PIK3C2B: variants seen among roughly 807,000 people sequenced by gnomAD.
PIK3C2B encodes the protein phosphatidylinositol-4-phosphate 3-kinase catalytic subunit type 2 beta, also known as phosphatidylinositol 4-phosphate 3-kinase C2 domain-containing subunit beta.
Under a neutral mutation model 184.3 loss-of-function variants are expected in PIK3C2B, and 83 were observed. The ratio of observed to expected loss-of-function variants is 0.45; its 90% CI spans 0.38 to 0.54. The LOEUF is 0.54. Among genes scored for constraint, PIK3C2B ranks in the 20% least tolerant of loss-of-function variants. The probability of loss-of-function intolerance (pLI) is 0.00; values close to 1 mark genes in which losing one functional copy is unlikely to be tolerated. For missense variants in PIK3C2B, 1,736 were observed against 2,113.5 expected (o/e 0.82, Z 3.50); for synonymous variants, 779 against 837.6 (o/e 0.93, Z 1.21).
intron 23 of PIK3C2B, 74 bp downstream of exon 23, chr1:204,438,861 C>T (rs1572299772): frequency 1.3e-6 from 2 of 1,533,042 alleles, no homozygotes; most frequent in East Asian, 4.6e-5. Flanking sequence ...AAGTGCAGGT[C>T]TTGTGGTTAA....
In PIK3C2B at chr1:204,468,837, A is replaced by G. The variant is rs769548251; in HGVS notation, c.933+33T>C. ...CCCTGTTTCTGAAGGACATGGAGAA[A>G]GGAAGGCAGAAGAAACACAAGAAGG... On this transcript the variant is annotated intron_variant, in intron 2 of 32. Transcript: ENST00000684373. The G allele has an allele frequency of 4.6e-6, 7 of 1,523,838 alleles. No homozygotes were observed. In the Admixed American group the frequency reaches 1.4e-4, roughly 30 times the overall value. The allele number at this position is 1,523,838 out of a possible 1,614,324, so 94.4% of individuals were successfully genotyped here.
chr1:204,424,934 T>G lies in PIK3C2B; in HGVS notation c.4823A>C (p.Asn1608Thr). 6.2e-7 allele frequency: 1 copy of G among 1,614,198 alleles called. No homozygotes were observed. The highest frequency in any genetic ancestry group is 8.5e-7 in the Non-Finnish European group (1 of 1,180,018). Residue 1608 changes from asparagine (N) to threonine (T), a missense_variant, in exon 33 of 33, where the codon AAC becomes ACC. By Grantham distance (65) the Asn-to-Thr change is moderately conservative. This residue lies in a region of PIK3C2B where 95 missense variants were observed against 164.2 expected (regional missense o/e 0.58). Transcript: ENST00000684373. Reference protein sequence around the residue: ...FWENVLLGEVNIRLRELDLAQ... With the variant: ...FWENVLLGEVTIRLRELDLAQ... ...CAGGTCCAGCTCTCGCAGGCGGATGTTCACCTCACCGAGGAGGACGTTCTC... is the reference window on the plus strand; with the variant it reads ...CAGGTCCAGCTCTCGCAGGCGGATGGTCACCTCACCGAGGAGGACGTTCTC...
At chr1:204,472,312 C>T (rs190408735) in intron 1 of PIK3C2B, among the ~76,000 whole-genome samples, 5,965 of 151,858 alleles carry the variant, frequency 0.039, 201 homozygotes, top group South Asian at 0.1. Context: ...TACAGGCACC[C>T]GCCACCACAC....
chr1:204,489,049 A>G (rs1657827950), intron 1 of PIK3C2B, among the ~76,000 whole-genome samples: 1 of 152,006 alleles, frequency 6.6e-6, no homozygotes, highest in Non-Finnish European at 1.5e-5. Context: ...TTTTTTTCTC[A>G]CAGTCCCCTT....
intron 12 of PIK3C2B, among the ~76,000 whole-genome samples, chr1:204,452,190 G>A (rs116630548): frequency 0.013 from 1,923 of 152,118 alleles, 52 homozygotes; most frequent in African/African-American, 0.045. Flanking sequence ...AACTCATGGG[G>A]CAGGCTGGGC....
chr1:204,481,566 A>G (rs1218387401), intron 1 of PIK3C2B, among the ~76,000 whole-genome samples: 1 of 152,112 alleles, frequency 6.6e-6, no homozygotes, highest in Non-Finnish European at 1.5e-5. Flanking sequence ...TCACATTCTT[A>G]GTGTCACTGG....
Position 204,423,112 on chromosome 1 carries a change from G to A in PIK3C2B, c.*1740C>T, listed in dbSNP as rs1028553178. 9 of 152,144 alleles carry A rather than the reference G, an allele frequency of 5.9e-5. No homozygotes were observed. The highest frequency in any genetic ancestry group is 3.9e-4 in the East Asian group (2 of 5,192). The allele number at this position is 152,144 out of a possible 1,614,324, so 9.4% of individuals were successfully genotyped here. ...TTCAAAGTCCCTCCCTCCTTTTGGC[G>A]AGGAAGACAACCCTTTGGAGCGAAA... On this transcript the variant is annotated 3_prime_UTR_variant, in exon 33 of 33. Transcript: ENST00000684373.
intron 23 of PIK3C2B, among the ~76,000 whole-genome samples, chr1:204,435,097 C>T (rs1383843828): frequency 6.6e-6 from 1 of 152,214 alleles, no homozygotes. Flanking sequence ...AAATAAAATT[C>T]CCATTTCCAG....
chr1:204,493,861 A>G (rs1658178739), intron 1 of PIK3C2B, among the ~76,000 whole-genome samples: 1 of 152,172 alleles, frequency 6.6e-6, no homozygotes, highest in Non-Finnish European at 1.5e-5. Context: ...CAGTATCCTT[A>G]TAAGGGAGAA....
Position 204,442,558 on chromosome 1 carries a change from G to A in PIK3C2B, c.3124C>T (p.Pro1042Ser). ...ACAATTCCCTTAACCAGCAGACTGG[G>A]GCTGAGTGGCAAGCGGCACGAGCCA... is the stretch of plus-strand genomic sequence containing the variant. ...LNGSCRLPLS[P>S]SLLVKGIVPR... The change falls in exon 20 of 33, where the codon CCC (proline) becomes TCC (serine). Residue 1042 changes from proline (P) to serine (S), a missense_variant. Transcript: ENST00000684373. 6 of 1,555,480 alleles carry A rather than the reference G, an allele frequency of 3.9e-6. No homozygotes were observed. The highest frequency in any genetic ancestry group is 5.2e-6 in the Non-Finnish European group (6 of 1,149,114).
intron 1 of PIK3C2B, among the ~76,000 whole-genome samples, chr1:204,474,626 C>T (rs1323345775): frequency 5.3e-5 from 8 of 152,110 alleles, no homozygotes; most frequent in African/African-American, 1.9e-4. Context: ...CCTTTGTCCA[C>T]CCCTGAAATG....
At chr1:204,446,292 C>A (rs1260332418) in intron 15 of PIK3C2B, 148 bp from the exon 16 acceptor site, 4 of 468,828 alleles carry the variant, frequency 8.5e-6, no homozygotes, top group East Asian at 3.4e-5. Context: ...GCATATGACA[C>A]CCACTTGAGG....
Position 204,469,289 on chromosome 1 carries a change from G to A in PIK3C2B, c.514C>T (p.Pro172Ser), listed in dbSNP as rs781087588. The A allele has an allele frequency of 5.2e-6, 8 of 1,544,938 alleles. No homozygotes were observed. The East Asian group carries it at 1.1e-4, about 22-fold the overall frequency. Residue 172 changes from proline (P) to serine (S), a missense_variant, in exon 2 of 33, where the codon CCT becomes TCT. This residue lies in a region of PIK3C2B where 404 missense variants were observed against 418.0 expected (regional missense o/e 0.97). Transcript: ENST00000684373. ...RASIWDTPPL[P>S]PRKGSPSSSK... ...GATGAGGGGGACCCCTTTCTGGGAG[G>A]CAGGGGAGGGGTATCCCAGATAGAA...
chr1:204,484,806 C>T (rs1436243235), intron 1 of PIK3C2B, among the ~76,000 whole-genome samples: 1 of 152,050 alleles, frequency 6.6e-6, no homozygotes, highest in Admixed American at 6.6e-5. Context: ...CACCCCCATC[C>T]CAGAACATTT....
chr1:204,457,345 G>C (rs922746391), intron 9 of PIK3C2B, among the ~76,000 whole-genome samples: 3 of 152,168 alleles, frequency 2.0e-5, no homozygotes, highest in Admixed American at 2.0e-4. Flanking sequence ...TATGGTGCTG[G>C]CCCTGTCTGC....
Position 204,433,049 on chromosome 1 carries a change from C to T in PIK3C2B, c.3953+267G>A, listed in dbSNP as rs992312111. On this transcript the variant is annotated intron_variant, in intron 26 of 32. Coordinates refer to ENST00000684373, the MANE Select transcript of PIK3C2B (RefSeq NM_001377334.1). The surrounding 1 kb of genome is among the most constrained non-coding windows in gnomAD (Gnocchi z 5.0). ...CCCATAGACAAAGTATTTGATGGGA[C>T]CTAGTGAGAATGTAGATAAGAGTGA... Among the ~76,000 whole-genome samples, 1 of 152,134 alleles carries T rather than the reference C, an allele frequency of 6.6e-6. No individual in the cohort carries two copies. The highest frequency in any genetic ancestry group is 1.5e-5 in the Non-Finnish European group (1 of 68,026).
At chr1:204,437,281 G>A (rs1407373887) in intron 23 of PIK3C2B, among the ~76,000 whole-genome samples, 1 of 151,632 alleles carries the variant, frequency 6.6e-6, no homozygotes, top group Non-Finnish European at 1.5e-5. Flanking sequence ...GATCACCTGA[G>A]GTCAGGAGTT....
At position 204,424,523 on chromosome 1, in the gene PIK3C2B, C is replaced by T. The variant is rs1391721859; in HGVS notation, c.*329G>A. The T allele has an allele frequency of 1.3e-5, 4 of 314,052 alleles. No homozygotes were observed. In the South Asian group the frequency reaches 1.4e-4, roughly 11 times the overall value. 19.5% of individuals were successfully genotyped at this position (314,052 alleles called of 1,614,324 possible). On this transcript the variant is annotated 3_prime_UTR_variant, in exon 33 of 33. Coordinates refer to ENST00000684373, the MANE Select transcript of PIK3C2B (RefSeq NM_001377334.1). ...AATTAAGATATCCACCCACCCACCC[C>T]CAAAATGCTACTTCATACAGCCCAC... is the stretch of plus-strand genomic sequence containing the variant.
intron 1 of PIK3C2B, among the ~76,000 whole-genome samples, chr1:204,488,440 A>G (rs1176559976): frequency 6.6e-6 from 1 of 152,226 alleles, no homozygotes; most frequent in Non-Finnish European, 1.5e-5. Context: ...AATTCCTGTC[A>G]GTAACATTAA....
Sources: gnomAD v4.1 joint callset for allele counts (sites outside exome capture counted in the v4.1 genomes callset) on GRCh38, gnomAD v4.1.1 for gene constraint, gnomAD v4.1.1 regional missense constraint, Gnocchi (gnomAD v3.1) non-coding constraint, MANE v1.5 for transcripts, NCBI Gene and HGNC (gene_info 2026-07-23, HGNC 2026-07-21) for gene names.